The following SNX7 variants were observed in gnomAD, a reference collection of about 807,000 sequenced individuals.
SNX7 encodes the protein sorting nexin 7, also known as sorting nexin-7.
In SNX7, 35 loss-of-function variants were observed where a neutral mutation model predicts 48.4. That is an observed-to-expected ratio of 0.72 (90% CI 0.55 to 0.96). The LOEUF (loss-of-function observed/expected upper bound fraction) is 0.96. Among genes scored for constraint, SNX7 ranks in the 40% least tolerant of loss-of-function variants. The pLI is 0.00. For missense variants in SNX7, 553 were observed against 548.9 expected (o/e 1.01, Z -0.07); for synonymous variants, 190 against 190.2 (o/e 1.00, Z 0.01).
In SNX7 at chr1:98,691,174, C is replaced by G; in HGVS notation, c.463C>G (p.Leu155Val). The G allele has an allele frequency of 6.3e-7, 1 of 1,598,162 alleles. No homozygotes were observed. The highest frequency in any genetic ancestry group is 8.5e-7 in the Non-Finnish European group (1 of 1,172,018). Residue 155 changes from leucine to valine, a missense_variant, in exon 3 of 9, where the codon CTG becomes GTG. Coordinates refer to ENST00000306121, the MANE Select transcript of SNX7 (RefSeq NM_015976.5). ...KGKLEEAHPT[L>V]IIPPLPEKFI... is the part of the protein sequence containing the mutation. ...AAAACTGGAAGAAGCACACCCCACT[C>G]TGATTATTCCAGTAAGTTTGCAAAA...
Position 98,731,847 on chromosome 1 carries a change from TG to T in SNX7, c.1126-6389del, listed in dbSNP as rs1653530758. On this transcript the variant is annotated intron_variant, in intron 7 of 8. Coordinates refer to ENST00000306121, the MANE Select transcript of SNX7 (RefSeq NM_015976.5). ...GACTGAAATGTTGTTATGTGGCACA[TG>T]ACTCTACAAAGTTTCCTGAATTTGT... Among the ~76,000 whole-genome samples the T allele has an allele frequency of 2.0e-5, 3 of 152,286 alleles. No individual in the cohort carries two copies. In the South Asian group the frequency reaches 6.2e-4, roughly 32 times the overall value.
intron 5 of SNX7, 53 bp downstream of exon 5, chr1:98,695,769 C>A: frequency 1.6e-6 from 2 of 1,276,738 alleles, no homozygotes; most frequent in Non-Finnish European, 2.3e-6. Flanking sequence ...TCTGATGAAT[C>A]TTCACATTTG....
chr1:98,667,745 T>G (rs1184208632), intron 1 of SNX7, among the ~76,000 whole-genome samples: 1 of 152,090 alleles, frequency 6.6e-6, no homozygotes, highest in Non-Finnish European at 1.5e-5. Flanking sequence ...CTTACTAGTA[T>G]TATTGCCTAA....
At chr1:98,741,304 A>T (rs1309830377) in intron 8 of SNX7, among the ~76,000 whole-genome samples, 1 of 152,156 alleles carries the variant, frequency 6.6e-6, no homozygotes, top group African/African-American at 2.4e-5. Context: ...TGGCAGAGGG[A>T]AATTATATTA....
At chr1:98,733,850 T>C (rs1351806612) in intron 7 of SNX7, among the ~76,000 whole-genome samples, 2 of 152,090 alleles carry the variant, frequency 1.3e-5, no homozygotes, top group African/African-American at 4.8e-5. Context: ...TGGTTTCCTT[T>C]CTTCTCCTCC....
At chr1:98,711,087 G>A (rs952770163) in intron 7 of SNX7, among the ~76,000 whole-genome samples, 1 of 152,122 alleles carries the variant, frequency 6.6e-6, no homozygotes, top group Non-Finnish European at 1.5e-5. Flanking sequence ...CACGATCTTG[G>A]CTCACTGCAA....
chr1:98,748,973 G>A (rs1654443780), intron 8 of SNX7, among the ~76,000 whole-genome samples: 1 of 152,100 alleles, frequency 6.6e-6, no homozygotes, highest in African/African-American at 2.4e-5. Context: ...AGGTAAATGT[G>A]CTTATCTGTA....
At chr1:98,674,320 C>T (rs942932587) in intron 1 of SNX7, among the ~76,000 whole-genome samples, 1 of 152,074 alleles carries the variant, frequency 6.6e-6, no homozygotes, top group African/African-American at 2.4e-5. Context: ...GTTCTGGAGG[C>T]CAGAAGTCTG....
Position 98,698,778 on chromosome 1 carries a change from A to T in SNX7, c.911A>T (p.Asp304Val). 1 of 1,613,686 alleles carries T rather than the reference A, an allele frequency of 6.2e-7. No individual in the cohort carries two copies. Among genetic ancestry groups the T allele is most frequent in the Non-Finnish European group, 8.5e-7 (1 of 1,179,772 alleles). ...TCAGCGTCAGAAGAGGATCTGGTTG[A>T]TACTCTAAAGGATGTTGCCAGCTGC... ...LWSASEEDLV[D>V]TLKDVASCID... Residue 304 changes from aspartate (D) to valine (V), a missense_variant, in exon 6 of 9, where the codon GAT (aspartate) becomes GTT (valine). By Grantham distance (152) the Asp-to-Val change is radical. Transcript: ENST00000306121.
intron 1 of SNX7, among the ~76,000 whole-genome samples, chr1:98,672,918 G>C (rs9699822): frequency 8.5e-6 from 1 of 118,050 alleles, no homozygotes; most frequent in Non-Finnish European, 1.7e-5. Flanking sequence ...GCGACAGAGC[G>C]AGACTCCGTC....
At chr1:98,675,013 T>TA (rs1363412981) in intron 1 of SNX7, among the ~76,000 whole-genome samples, 1 of 152,106 alleles carries the variant, frequency 6.6e-6, no homozygotes, top group Non-Finnish European at 1.5e-5. Context: ...AAGGAAAAAA[T>TA]AAAAAGATAT....
intron 8 of SNX7, among the ~76,000 whole-genome samples, chr1:98,752,971 C>A (rs984029072): frequency 6.6e-6 from 1 of 151,838 alleles, no homozygotes; most frequent in African/African-American, 2.4e-5. Context: ...TTAAATGTAC[C>A]CTGGTGATGG....
chr1:98,698,519 AAGACTGACCTGGGGC>A (rs1157024668), intron 5 of SNX7, among the ~76,000 whole-genome samples, 172 bp from the exon 6 acceptor site: 2 of 152,126 alleles, frequency 1.3e-5, no homozygotes, highest in Non-Finnish European at 2.9e-5. Flanking sequence ...TAGTCATTCA[AAGACTGACCTGGGGC>A]AAACTGTGAT....
rs188596284 is a variant in SNX7, at chr1:98,719,980, G to A, written c.1125+18077G>A. 1.3e-4 allele frequency among the ~76,000 whole-genome samples: 19 copies of A among 150,872 alleles called. No individual in the cohort carries two copies. In the East Asian group the frequency reaches 2.3e-3, roughly 19 times the overall value. On this transcript the variant is annotated intron_variant, in intron 7 of 8. Transcript: ENST00000306121. Reference sequence around the variant, plus strand: ...TTTAATAACTGTCCCAGTCGTACCCGTTATCTATTGAATAATCATGTTTTC... The same window carrying A: ...TTTAATAACTGTCCCAGTCGTACCCATTATCTATTGAATAATCATGTTTTC...
intron 1 of SNX7, among the ~76,000 whole-genome samples, chr1:98,681,976 C>T (rs1159475783): frequency 2.6e-5 from 4 of 151,786 alleles, no homozygotes; most frequent in African/African-American, 7.3e-5. Context: ...CTCTCTTTTG[C>T]TTTCTCTCTC....
At chr1:98,695,304 T>C (rs1318673380) in intron 4 of SNX7, among the ~76,000 whole-genome samples, 1 of 152,168 alleles carries the variant, frequency 6.6e-6, no homozygotes, top group African/African-American at 2.4e-5. Context: ...CTGTTTTACA[T>C]GAGTAGTGTG....
At chr1:98,684,151 C>G (rs1650655538) in intron 1 of SNX7, among the ~76,000 whole-genome samples, 1 of 152,192 alleles carries the variant, frequency 6.6e-6, no homozygotes, top group Non-Finnish European at 1.5e-5. Flanking sequence ...TTACTGTTCT[C>G]TTCTAGATTA....
chr1:98,706,192 A>C (rs556937987), intron 7 of SNX7, among the ~76,000 whole-genome samples: 4 of 152,194 alleles, frequency 2.6e-5, no homozygotes, highest in African/African-American at 9.7e-5. Flanking sequence ...GGGTTAAAAA[A>C]AGAGTAAATA....
At chr1:98,691,732 T>C in intron 4 of SNX7, 33 bp downstream of exon 4, 1 of 1,521,258 alleles carries the variant, frequency 6.6e-7, no homozygotes. Context: ...CATATAATCT[T>C]TGGGTGTCTG....
Sources: allele counts gnomAD v4.1 joint callset (sites outside exome capture counted in the v4.1 genomes callset), GRCh38; gene constraint gnomAD v4.1.1; transcripts MANE v1.5; gene names NCBI Gene and HGNC (gene_info 2026-07-23, HGNC 2026-07-21).